ZNF503: variants seen among roughly 807,000 people sequenced by gnomAD.
The protein encoded by ZNF503 is NocA-like zinc finger 2.
ZNF503 carries 15 observed loss-of-function variants against 34.4 expected under a neutral mutation model. That is an observed-to-expected ratio of 0.44 (90% CI 0.29 to 0.67). The LOEUF (loss-of-function observed/expected upper bound fraction) is 0.67. ZNF503 is among the 30% of genes least tolerant of loss of function. The pLI is 0.13. For missense variants in ZNF503, 1,007 were observed against 926.8 expected (o/e 1.09, Z -1.12); for synonymous variants, 580 against 456.8 (o/e 1.27, Z -3.44).
At chr10:75,360,119 T>TC in the ZNF503 span, among the ~76,000 whole-genome samples, 12 of 138,792 alleles carry the variant, frequency 8.6e-5, no homozygotes, top group African/African-American at 2.8e-4. Context: ...GGTTTCTTTT[T>TC]TTTTTTTTTT....
chr10:75,287,079 C>G, the ZNF503 span, among the ~76,000 whole-genome samples: 3 of 152,144 alleles, frequency 2.0e-5, no homozygotes, highest in Non-Finnish European at 4.4e-5. Context: ...ATGTGGGACT[C>G]CACAGCCTCT....
the ZNF503 span, among the ~76,000 whole-genome samples, chr10:75,299,635 C>A: frequency 6.6e-6 from 1 of 152,272 alleles, no homozygotes; most frequent in African/African-American, 2.4e-5. Context: ...CACGTAGGTT[C>A]TTTTCTATTT....
At chr10:75,323,505 T>A in the ZNF503 span, among the ~76,000 whole-genome samples, 1 of 152,196 alleles carries the variant, frequency 6.6e-6, no homozygotes, top group African/African-American at 2.4e-5. Flanking sequence ...CCAGCAATAT[T>A]TGAGGTTTCC....
chr10:75,316,828 A>G, the ZNF503 span, among the ~76,000 whole-genome samples: 1 of 152,266 alleles, frequency 6.6e-6, no homozygotes, highest in Non-Finnish European at 1.5e-5. Flanking sequence ...GTCAAAGAAG[A>G]AATCAAAGGG....
At chr10:75,330,411 G>C in the ZNF503 span, among the ~76,000 whole-genome samples, 1 of 152,186 alleles carries the variant, frequency 6.6e-6, no homozygotes, top group East Asian at 1.9e-4. Flanking sequence ...TCTGGAAGAG[G>C]TTGAGAAGAA....
chr10:75,345,570 G>T, the ZNF503 span, among the ~76,000 whole-genome samples: 3,523 of 149,918 alleles, frequency 0.023, 146 homozygotes, highest in African/African-American at 0.083. Flanking sequence ...GGGAGGTGAA[G>T]GTTGCAGTGA....
the ZNF503 span, among the ~76,000 whole-genome samples, chr10:75,309,301 T>G: frequency 6.6e-6 from 1 of 152,234 alleles, no homozygotes; most frequent in Non-Finnish European, 1.5e-5. Context: ...GAGAATTGAC[T>G]CTAACTCTGT....
chr10:75,356,848 C>T, the ZNF503 span, among the ~76,000 whole-genome samples: 3 of 152,192 alleles, frequency 2.0e-5, no homozygotes, highest in African/African-American at 7.2e-5. Context: ...AATAACTCCT[C>T]CCCCGGGAGG....
At position 75,399,135 on chromosome 10, in the gene ZNF503, C is replaced by G. The variant is rs766393096; in HGVS notation, c.1555G>C (p.Val519Leu). 13 of 1,613,590 alleles carry G rather than the reference C, an allele frequency of 8.1e-6. No homozygotes were observed. In the East Asian group the frequency reaches 2.9e-4, roughly 36 times the overall value. The change falls in exon 2 of 2, where the codon GTG becomes CTG. Residue 519 changes from valine (V) to leucine (L), a missense_variant. Coordinates refer to ENST00000372524, the MANE Select transcript of ZNF503 (RefSeq NM_032772.6). ...TTGTCGCACGGCCCGTTGGCCGACACCCAGTTGCAGATGTGGGGGAGTGGG... is the reference window on the plus strand; with the variant it reads ...TTGTCGCACGGCCCGTTGGCCGACAGCCAGTTGCAGATGTGGGGGAGTGGG... The part of the protein sequence containing the change: ...NDPLPHICNW[V>L]SANGPCDKRF...
chr10:75,379,822 G>A, the ZNF503 span, among the ~76,000 whole-genome samples: 1 of 152,224 alleles, frequency 6.6e-6, no homozygotes, highest in African/African-American at 2.4e-5. Context: ...GAACCAGAGG[G>A]AAGCGTGGAC....
the ZNF503 span, among the ~76,000 whole-genome samples, chr10:75,301,574 T>A: frequency 6.6e-6 from 1 of 152,158 alleles, no homozygotes; most frequent in African/African-American, 2.4e-5. Context: ...TTATTGTCTT[T>A]TTTATTTCTC....
At chr10:75,364,673 C>T in the ZNF503 span, among the ~76,000 whole-genome samples, 5 of 151,802 alleles carry the variant, frequency 3.3e-5, no homozygotes, top group Admixed American at 1.3e-4. Flanking sequence ...CTAGAAGAGA[C>T]GTTTCATAAG....
the ZNF503 span, among the ~76,000 whole-genome samples, chr10:75,338,629 T>A: frequency 6.6e-6 from 1 of 152,176 alleles, no homozygotes. Context: ...AGGGCCCTCA[T>A]CCCTCTCCTC....
chr10:75,326,038 A>T, the ZNF503 span, among the ~76,000 whole-genome samples: 1 of 152,110 alleles, frequency 6.6e-6, no homozygotes, highest in Admixed American at 6.6e-5. Flanking sequence ...TATTGCTTTT[A>T]TTAGGTTGGT....
the ZNF503 span, among the ~76,000 whole-genome samples, chr10:75,386,628 C>G: frequency 6.6e-6 from 1 of 152,198 alleles, no homozygotes; most frequent in African/African-American, 2.4e-5. Flanking sequence ...ACATTGGTTT[C>G]TTTATATCCA....
the ZNF503 span, among the ~76,000 whole-genome samples, chr10:75,311,543 T>C: frequency 6.6e-6 from 1 of 151,820 alleles, no homozygotes; most frequent in African/African-American, 2.4e-5. Context: ...TTACAAACAT[T>C]CCTGAAACAG....
At chr10:75,348,507 A>ACTT in the ZNF503 span, among the ~76,000 whole-genome samples, 5 of 99,360 alleles carry the variant, frequency 5.0e-5, no homozygotes, top group Admixed American at 1.1e-4. Flanking sequence ...CCCTATTACT[A>ACTT]TTTTTTTTTT....
At position 75,398,539 on chromosome 10, in the gene ZNF503, T is replaced by TGGGGAGGTGAAAGTGGGGAGAA. The variant is rs1843731639; in HGVS notation, c.*188_*209dup. The TGGGGAGGTGAAAGTGGGGAGAA allele has an allele frequency of 7.4e-6, 3 of 405,722 alleles. No homozygotes were observed. In the East Asian group the frequency reaches 1.1e-4, roughly 15 times the overall value. 25.1% of individuals were successfully genotyped at this position (405,722 alleles called of 1,614,324 possible). ...TTTTTCAACTTTTATAAAGTTTGGGTGGGGAGGTGAAAGTGGGGAGAAGGG... is the reference window on the plus strand; with the variant it reads ...TTTTTCAACTTTTATAAAGTTTGGGTGGGGAGGTGAAAGTGGGGAGAAGGGGAGGTGAAAGTGGGGAGAAGGG... On this transcript the variant is annotated 3_prime_UTR_variant, in exon 2 of 2. Coordinates refer to ENST00000372524, the MANE Select transcript of ZNF503 (RefSeq NM_032772.6).
At chr10:75,359,662 C>T in the ZNF503 span, among the ~76,000 whole-genome samples, 1 of 152,224 alleles carries the variant, frequency 6.6e-6, no homozygotes, top group African/African-American at 2.4e-5. Flanking sequence ...CCCCAGGAGT[C>T]AGCCCATGAG....
Sources: gnomAD v4.1 joint callset for allele counts (sites outside exome capture counted in the v4.1 genomes callset) on GRCh38, gnomAD v4.1.1 for gene constraint, MANE v1.5 for transcripts, NCBI Gene and HGNC (gene_info 2026-07-23, HGNC 2026-07-21) for gene names.